KCNIP3: variants seen among roughly 807,000 people sequenced by gnomAD.
KCNIP3 encodes the protein potassium voltage-gated channel interacting protein 3.
KCNIP3 carries 28 observed loss-of-function variants against 35.0 expected under a neutral mutation model. That is an observed-to-expected ratio of 0.80 (90% CI 0.59 to 1.10). The LOEUF is 1.10. KCNIP3 is among the 50% of genes least tolerant of loss of function. KCNIP3 has a pLI of 0.00. For missense variants in KCNIP3, 295 were observed against 338.4 expected, an observed-to-expected ratio of 0.87 and a Z score of 1.01; for synonymous variants, 134 against 133.8, an observed-to-expected ratio of 1.00 and a Z score of -0.01.
At chr2:95,366,557 T>C (rs1361645286) in intron 2 of KCNIP3, among the ~76,000 whole-genome samples, 2 of 152,200 alleles carry the variant, frequency 1.3e-5, no homozygotes, top group Non-Finnish European at 2.9e-5. Flanking sequence ...GAAATGGGAT[T>C]GCTGGGTCTT....
chr2:95,374,144 C>A, intron 2 of KCNIP3, 152 bp from the exon 3 acceptor site: 1 of 959,988 alleles, frequency 1.0e-6, no homozygotes, highest in Non-Finnish European at 1.5e-6. Flanking sequence ...CACACCCCCT[C>A]TGTGCAGTGC....
In KCNIP3 at chr2:95,310,530, A is replaced by C; in HGVS notation, c.181+10A>C. On this transcript the variant is annotated intron_variant, in intron 2 of 8. Coordinates refer to ENST00000295225, the MANE Select transcript of KCNIP3 (RefSeq NM_013434.5). ...GCCCCACAGGGCTCAGGTAGGGGCC[A>C]GGGTGGGCTGTGGTCAAGGGTGGGG... The C allele has an allele frequency of 1.8e-6, 1 of 546,756 alleles. No homozygotes were observed. The highest frequency in any genetic ancestry group is 3.1e-6 in the Non-Finnish European group (1 of 320,668). The allele number at this position is 546,756 out of a possible 1,614,324, so 33.9% of individuals were successfully genotyped here.
chr2:95,341,280 G>A (rs1220637862), intron 2 of KCNIP3, among the ~76,000 whole-genome samples: 5 of 152,292 alleles, frequency 3.3e-5, no homozygotes, highest in East Asian at 1.9e-4. Flanking sequence ...CTCCTGCCAC[G>A]TGAGATGTGC....
chr2:95,317,281 A>C (rs1030206859), intron 2 of KCNIP3, among the ~76,000 whole-genome samples: 1 of 152,152 alleles, frequency 6.6e-6, no homozygotes, highest in African/African-American at 2.4e-5. Context: ...GCTGATAATC[A>C]CACCAGTGTC....
chr2:95,310,245 T>C, intron 1 of KCNIP3, 110 bp from the exon 2 acceptor site: 10 of 1,291,890 alleles, frequency 7.7e-6, no homozygotes, highest in Non-Finnish European at 1.1e-5. Context: ...AGGTGAGCCC[T>C]CTGTTGTGTT....
At chr2:95,316,448 G>A (rs1573485062) in intron 2 of KCNIP3, among the ~76,000 whole-genome samples, 1 of 152,184 alleles carries the variant, frequency 6.6e-6, no homozygotes, top group Non-Finnish European at 1.5e-5. Flanking sequence ...CAGGTGCATC[G>A]GCTCCTATAT....
intron 2 of KCNIP3, chr2:95,368,968 G>A (rs1246169830): frequency 6.5e-6 from 1 of 152,714 alleles, no homozygotes; most frequent in African/African-American, 2.4e-5. Flanking sequence ...AAATTCTGGA[G>A]ACACCTTTGC....
chr2:95,310,284 C>T, intron 1 of KCNIP3, 71 bp from the exon 2 acceptor site: 1 of 1,576,286 alleles, frequency 6.3e-7, no homozygotes. Context: ...GATATCAGGG[C>T]AGCTCGGGAC....
intron 2 of KCNIP3, among the ~76,000 whole-genome samples, chr2:95,337,659 C>T (rs1400299071): frequency 6.6e-5 from 10 of 152,192 alleles, no homozygotes; most frequent in Admixed American, 6.5e-4. Context: ...TACTATCATT[C>T]CCATTTTACA....
At chr2:95,307,032 T>G (rs1678195621) in intron 1 of KCNIP3, among the ~76,000 whole-genome samples, 1 of 152,140 alleles carries the variant, frequency 6.6e-6, no homozygotes. Context: ...TGCTGGGGTC[T>G]CCCTGCCCTC....
At chr2:95,326,204 C>T in intron 2 of KCNIP3, among the ~76,000 whole-genome samples, 1 of 151,598 alleles carries the variant, frequency 6.6e-6, no homozygotes, top group East Asian at 1.9e-4. Context: ...TACACGCACT[C>T]ATATACACAC....
chr2:95,301,561 G>T (rs575426165), intron 1 of KCNIP3, among the ~76,000 whole-genome samples: 1 of 152,346 alleles, frequency 6.6e-6, no homozygotes, highest in Non-Finnish European at 1.5e-5. Flanking sequence ...AGAACCCCCA[G>T]ATAAATGTGA....
At position 95,383,999 on chromosome 2, in the gene KCNIP3, C is replaced by A; in HGVS notation, c.724-3C>A. The A allele has an allele frequency of 6.2e-7, 1 of 1,613,864 alleles. No individual in the cohort carries two copies. The highest frequency in any genetic ancestry group is 8.5e-7 in the Non-Finnish European group (1 of 1,179,884). On this transcript the variant is annotated splice_region_variant and splice_polypyrimidine_tract_variant and intron_variant, in intron 8 of 8. Coordinates refer to ENST00000295225, the MANE Select transcript of KCNIP3 (RefSeq NM_013434.5). ...GAAGGCCTCCCTTCCTCTCTCCATGCAGGATGAGAACATCATGAGCTCCAT... is the reference window on the plus strand; with the variant it reads ...GAAGGCCTCCCTTCCTCTCTCCATGAAGGATGAGAACATCATGAGCTCCAT...
intron 2 of KCNIP3, among the ~76,000 whole-genome samples, chr2:95,335,006 G>T (rs1679026313): frequency 6.6e-6 from 1 of 152,206 alleles, no homozygotes; most frequent in Admixed American, 6.5e-5. Flanking sequence ...TAACACTTGG[G>T]CATGTGTCAA....
Position 95,297,368 on chromosome 2 carries a change from C to T in KCNIP3, c.-71C>T, listed in dbSNP as rs547120754. ...AAGCAAACATGAGGCAGCTGCCAGC[C>T]GGCCTGGGCAGTCTTGTCTGCCTCG... On this transcript the variant is annotated 5_prime_UTR_variant, in exon 1 of 9. Coordinates refer to ENST00000295225, the MANE Select transcript of KCNIP3 (RefSeq NM_013434.5). The T allele has an allele frequency of 4.2e-5, 63 of 1,501,096 alleles. 1 individual carries two copies. Among genetic ancestry groups the T allele is most frequent in the South Asian group, 1.9e-4 (16 of 82,668 alleles). The allele number at this position is 1,501,096 out of a possible 1,614,324, so 93.0% of individuals were successfully genotyped here.
chr2:95,365,596 T>C (rs763068075), intron 2 of KCNIP3, among the ~76,000 whole-genome samples: 5 of 152,168 alleles, frequency 3.3e-5, no homozygotes, highest in Non-Finnish European at 7.3e-5. Context: ...GGCAGGGAGT[T>C]ACAGGAGGTG....
chr2:95,307,494 C>T (rs78245881), intron 1 of KCNIP3, among the ~76,000 whole-genome samples: 2,008 of 152,324 alleles, frequency 0.013, 44 homozygotes, highest in African/African-American at 0.046. Flanking sequence ...AAATGGGGAT[C>T]GTCTTACCGA....
intron 1 of KCNIP3, among the ~76,000 whole-genome samples, chr2:95,307,190 C>T (rs1219449152): frequency 6.6e-6 from 1 of 152,242 alleles, no homozygotes; most frequent in Non-Finnish European, 1.5e-5. Context: ...GGAACCCCCA[C>T]CACCACTCCA....
intron 5 of KCNIP3, among the ~76,000 whole-genome samples, chr2:95,380,029 C>T (rs891060872): frequency 2.6e-5 from 4 of 152,270 alleles, no homozygotes; most frequent in Admixed American, 6.5e-5. Flanking sequence ...CCGTTCTTCC[C>T]GAACTGCCTG....
Sources: gnomAD v4.1 joint callset for allele counts (sites outside exome capture counted in the v4.1 genomes callset) on GRCh38, gnomAD v4.1.1 for gene constraint, MANE v1.5 for transcripts, NCBI Gene and HGNC (gene_info 2026-07-23, HGNC 2026-07-21) for gene names.